Variants in STRN3 observed in about 807,000 individuals in gnomAD.
STRN3 encodes the protein striatin-3.
In STRN3, 29 loss-of-function variants were observed where a neutral mutation model predicts 95.6. That is an observed-to-expected ratio of 0.30 (90% CI 0.23 to 0.41). The LOEUF is 0.41. Ranked by LOEUF, STRN3 falls within the 10% of genes least tolerant of loss-of-function variation. The pLI is 1.00. For synonymous variants in STRN3, 331 were observed against 357.6 expected (o/e 0.93, Z 0.84); for missense variants, 890 against 972.1 (o/e 0.92, Z 1.12).
At chr14:30,970,346 C>A (rs181120270) in intron 1 of STRN3, among the ~76,000 whole-genome samples, 1 of 152,164 alleles carries the variant, frequency 6.6e-6, no homozygotes, top group Non-Finnish European at 1.5e-5. Context: ...AGCTTTTATG[C>A]CGTAGTTGGT....
At chr14:30,975,939 T>A (rs899219492) in intron 1 of STRN3, among the ~76,000 whole-genome samples, 4 of 151,712 alleles carry the variant, frequency 2.6e-5, no homozygotes, top group Non-Finnish European at 5.9e-5. Context: ...ACAGTTCATA[T>A]GCTAAGACAG....
chr14:30,943,620 A>G (rs1483235654), intron 5 of STRN3, among the ~76,000 whole-genome samples: 1 of 152,170 alleles, frequency 6.6e-6, no homozygotes, highest in Non-Finnish European at 1.5e-5. Flanking sequence ...AAACAAATAA[A>G]CAACTATTAC....
intron 4 of STRN3, among the ~76,000 whole-genome samples, chr14:30,947,988 T>C (rs1463891782): frequency 6.6e-6 from 1 of 152,158 alleles, no homozygotes; most frequent in African/African-American, 2.4e-5. Context: ...ACAAAAGATT[T>C]TTAGGTGAAT....
chr14:30,978,894 C>G (rs1433765885), intron 1 of STRN3, among the ~76,000 whole-genome samples: 1 of 151,922 alleles, frequency 6.6e-6, no homozygotes, highest in East Asian at 1.9e-4. Context: ...GTTAGCTGGG[C>G]ATGGTGGCAC....
intron 1 of STRN3, among the ~76,000 whole-genome samples, chr14:30,985,830 A>G (rs7146837): frequency 0.13 from 20,376 of 152,220 alleles, 1,441 homozygotes; most frequent in South Asian, 0.19. Context: ...CTAATATCTT[A>G]GGCTCACATT....
intron 1 of STRN3, among the ~76,000 whole-genome samples, chr14:31,015,376 A>ATTT (rs1265146478): frequency 1.4e-5 from 2 of 142,854 alleles, no homozygotes; most frequent in South Asian, 2.2e-4. Flanking sequence ...AACACTTTCA[A>ATTT]TTTTTTTTTT....
chr14:31,012,623 G>A (rs1350497922), intron 1 of STRN3, among the ~76,000 whole-genome samples: 2 of 152,212 alleles, frequency 1.3e-5, no homozygotes, highest in African/African-American at 4.8e-5. Flanking sequence ...GTCAGGCGCG[G>A]TGGCTCACGC....
chr14:30,917,309 TAAAC>T (rs1379924779), intron 9 of STRN3, among the ~76,000 whole-genome samples: 3 of 152,254 alleles, frequency 2.0e-5, no homozygotes, highest in East Asian at 1.9e-4. Flanking sequence ...ACATAACACA[TAAAC>T]AAACACACAT....
At chr14:30,995,401 C>T (rs987332126) in intron 1 of STRN3, among the ~76,000 whole-genome samples, 1 of 152,100 alleles carries the variant, frequency 6.6e-6, no homozygotes, top group Non-Finnish European at 1.5e-5. Flanking sequence ...TAGAGACTTA[C>T]ATTCTAATCC....
intron 4 of STRN3, 48 bp from the exon 5 acceptor site, chr14:30,947,311 CAG>C (rs1343966176): frequency 7.0e-7 from 1 of 1,420,162 alleles, no homozygotes; most frequent in African/African-American, 1.5e-5. Context: ...TAACATGTGC[CAG>C]ACTCAAAATC....
intron 4 of STRN3, among the ~76,000 whole-genome samples, chr14:30,948,887 G>C (rs146730421): frequency 6.6e-6 from 1 of 152,140 alleles, no homozygotes; most frequent in Admixed American, 6.5e-5. Flanking sequence ...CTCTCTTGGG[G>C]AGAACAGCTC....
chr14:30,901,681 A>G (rs1379728945), intron 16 of STRN3, among the ~76,000 whole-genome samples: 1 of 152,130 alleles, frequency 6.6e-6, no homozygotes, highest in Non-Finnish European at 1.5e-5. Context: ...ATTCTAGGTA[A>G]TGACTAGATA....
chr14:31,009,710 A>AC (rs1882881870), intron 1 of STRN3, among the ~76,000 whole-genome samples: 1 of 152,052 alleles, frequency 6.6e-6, no homozygotes, highest in Middle Eastern at 3.2e-3. Context: ...CTCAAAATAA[A>AC]TAGAAGTGGC....
At chr14:30,983,475 G>C (rs1455916546) in intron 1 of STRN3, among the ~76,000 whole-genome samples, 2 of 152,234 alleles carry the variant, frequency 1.3e-5, no homozygotes, top group African/African-American at 4.8e-5. Context: ...AACCAGGGAG[G>C]TGGAGGTTGC....
At chr14:30,907,081 AGAAG>A (rs774752050) in intron 13 of STRN3, 37 bp from the exon 14 acceptor site, 193 of 1,592,672 alleles carry the variant, frequency 1.2e-4, no homozygotes, top group Non-Finnish European at 1.5e-4. Flanking sequence ...ATTAGGTAAA[AGAAG>A]TTTAAAAGAA....
intron 1 of STRN3, among the ~76,000 whole-genome samples, chr14:31,020,305 C>G (rs1029637394): frequency 2.6e-5 from 4 of 151,956 alleles, no homozygotes; most frequent in African/African-American, 9.7e-5. Flanking sequence ...TCAAGACCAG[C>G]CTGGCCAACA....
At chr14:30,971,009 T>C (rs913818107) in intron 1 of STRN3, among the ~76,000 whole-genome samples, 2 of 152,232 alleles carry the variant, frequency 1.3e-5, no homozygotes, top group African/African-American at 4.8e-5. Flanking sequence ...TCCGGCACCC[T>C]GCGGGTCAGC....
At chr14:30,969,395 C>T (rs1880712307) in intron 1 of STRN3, among the ~76,000 whole-genome samples, 2 of 152,036 alleles carry the variant, frequency 1.3e-5, no homozygotes, top group Non-Finnish European at 2.9e-5. Context: ...TGAGATCGCG[C>T]CACTGCACTC....
At chr14:31,010,020 T>C (rs555113893) in intron 1 of STRN3, among the ~76,000 whole-genome samples, 58 of 152,260 alleles carry the variant, frequency 3.8e-4, no homozygotes, top group Admixed American at 9.8e-4. Flanking sequence ...GGAGGATTGC[T>C]TGAGCCCAGA....
Sources: allele counts gnomAD v4.1 joint callset (sites outside exome capture counted in the v4.1 genomes callset), GRCh38; gene constraint gnomAD v4.1.1; transcripts MANE v1.5; gene names NCBI Gene and HGNC (gene_info 2026-07-23, HGNC 2026-07-21).